Variants in AUTS2 observed in about 807,000 individuals in gnomAD.
AUTS2 encodes autism susceptibility gene 2 protein.
In AUTS2, 17 loss-of-function variants were observed where a neutral mutation model predicts 112.4. The observed-to-expected ratio is 0.15, with a 90% CI of 0.10 to 0.23. The LOEUF (loss-of-function observed/expected upper bound fraction) is 0.23. Ranked by LOEUF, AUTS2 falls within the 10% of genes least tolerant of loss-of-function variation. The pLI is 1.00. For synonymous variants in AUTS2, 751 were observed against 702.7 expected (o/e 1.07, Z -1.09); for missense variants, 1,510 against 1,701.6 (o/e 0.89, Z 1.98).
At chr7:70,295,709 G>A (rs540276326) in intron 4 of AUTS2, among the ~76,000 whole-genome samples, 27 of 152,100 alleles carry the variant, frequency 1.8e-4, no homozygotes, top group African/African-American at 6.3e-4. Context: ...TCTCTTCTTC[G>A]TGAAACCTGA....
At chr7:69,648,001 A>G (rs1795109874) in intron 1 of AUTS2, among the ~76,000 whole-genome samples, 1 of 152,108 alleles carries the variant, frequency 6.6e-6, no homozygotes. Flanking sequence ...CTAATCCAGT[A>G]TGCCCTCGTT....
intron 5 of AUTS2, among the ~76,000 whole-genome samples, chr7:70,461,441 A>T (rs560466134): frequency 6.6e-6 from 1 of 152,230 alleles, no homozygotes; most frequent in Admixed American, 6.5e-5. Context: ...CCAAAGGCTG[A>T]TGATGGGCTC....
At chr7:70,425,081 T>G (rs1163542467) in intron 4 of AUTS2, among the ~76,000 whole-genome samples, 1 of 152,174 alleles carries the variant, frequency 6.6e-6, no homozygotes. Flanking sequence ...AGATGGACAT[T>G]GACCCTTTGG....
At chr7:70,751,714 A>G (rs1461824243) in intron 6 of AUTS2, among the ~76,000 whole-genome samples, 1 of 152,114 alleles carries the variant, frequency 6.6e-6, no homozygotes, top group East Asian at 1.9e-4. Flanking sequence ...ACCGTGTTTA[A>G]GTATTGAGCA....
intron 11 of AUTS2, among the ~76,000 whole-genome samples, chr7:70,772,542 C>A (rs1204316995): frequency 1.3e-5 from 2 of 152,302 alleles, no homozygotes; most frequent in Admixed American, 6.5e-5. Flanking sequence ...CTTTTCCCCA[C>A]CATCTCATGG....
At chr7:70,307,991 C>T (rs1207415775) in intron 4 of AUTS2, among the ~76,000 whole-genome samples, 1 of 152,190 alleles carries the variant, frequency 6.6e-6, no homozygotes, top group Non-Finnish European at 1.5e-5. Context: ...GTCTTCTCTG[C>T]CTGCATGTTG....
At chr7:70,575,550 G>T (rs184765183) in intron 5 of AUTS2, among the ~76,000 whole-genome samples, 56 of 152,284 alleles carry the variant, frequency 3.7e-4, no homozygotes, top group Non-Finnish European at 3.2e-4. Context: ...TTGTCTGTCT[G>T]ATCAGGGCCC....
chr7:70,585,699 A>G, intron 5 of AUTS2, among the ~76,000 whole-genome samples: 1 of 152,156 alleles, frequency 6.6e-6, no homozygotes, highest in Non-Finnish European at 1.5e-5. Flanking sequence ...ATTCTACGGG[A>G]TGATCACCCT....
intron 2 of AUTS2, among the ~76,000 whole-genome samples, chr7:70,056,486 G>A (rs1038639632): frequency 6.6e-6 from 1 of 152,138 alleles, no homozygotes; most frequent in Non-Finnish European, 1.5e-5. Context: ...GGGATGTAAG[G>A]ATTTCTTATC....
At chr7:70,707,796 T>G (rs1809819293) in intron 6 of AUTS2, among the ~76,000 whole-genome samples, 1 of 152,166 alleles carries the variant, frequency 6.6e-6, no homozygotes, top group Non-Finnish European at 1.5e-5. Flanking sequence ...TTCTTGTGCC[T>G]TTGCGTGAAC....
At chr7:70,328,391 A>T (rs1040062265) in intron 4 of AUTS2, among the ~76,000 whole-genome samples, 2 of 149,732 alleles carry the variant, frequency 1.3e-5, no homozygotes, top group Non-Finnish European at 3.0e-5. Context: ...CTGGTTTATT[A>T]TTTTTTTTTT....
intron 2 of AUTS2, among the ~76,000 whole-genome samples, chr7:69,976,056 C>T (rs980245947): frequency 6.6e-6 from 1 of 152,182 alleles, no homozygotes; most frequent in African/African-American, 2.4e-5. Flanking sequence ...ATTAAGTATA[C>T]AGTTCAATAC....
intron 4 of AUTS2, among the ~76,000 whole-genome samples, chr7:70,339,928 G>A (rs1172446553): frequency 2.6e-5 from 4 of 152,128 alleles, no homozygotes. Context: ...ACTGCACTAA[G>A]GAGATTTGAG....
At chr7:70,327,217 C>T (rs1353283951) in intron 4 of AUTS2, among the ~76,000 whole-genome samples, 3 of 152,120 alleles carry the variant, frequency 2.0e-5, no homozygotes, top group Non-Finnish European at 4.4e-5. Flanking sequence ...CGCGCCCGGC[C>T]GCTCAGTTCT....
chr7:70,756,875 C>T (rs747115435), intron 6 of AUTS2, among the ~76,000 whole-genome samples: 13 of 152,186 alleles, frequency 8.5e-5, no homozygotes, highest in Non-Finnish European at 1.8e-4. Context: ...TATACAAAAA[C>T]AGAGGTGGTG....
intron 5 of AUTS2, among the ~76,000 whole-genome samples, chr7:70,464,578 A>T (rs994824948): frequency 6.6e-6 from 1 of 152,198 alleles, no homozygotes; most frequent in African/African-American, 2.4e-5. Flanking sequence ...AGTCTGCTAG[A>T]GGGTTGCATT....
At chr7:69,632,449 G>A (rs889181882) in intron 1 of AUTS2, among the ~76,000 whole-genome samples, 7 of 152,074 alleles carry the variant, frequency 4.6e-5, no homozygotes, top group Admixed American at 1.3e-4. Flanking sequence ...AGGTAGGAAC[G>A]TAAAAGTGGA....
At position 69,611,727 on chromosome 7, in the gene AUTS2, G is replaced by C. The variant is rs1458571695; in HGVS notation, c.309+11765G>C. Among the ~76,000 whole-genome samples, 4 of 150,916 alleles carry C rather than the reference G, an allele frequency of 2.7e-5. 1 individual carries two copies. In the Middle Eastern group the frequency reaches 0.01, roughly 388 times the overall value. ...GGGTGGATCACGAGGTCAGGAGATC[G>C]AGACCATCCTGGCTAACAAGGTGAA... On this transcript the variant is annotated intron_variant, in intron 1 of 18. Coordinates refer to ENST00000342771, the MANE Select transcript of AUTS2 (RefSeq NM_015570.4).
intron 1 of AUTS2, among the ~76,000 whole-genome samples, chr7:69,895,545 C>G: frequency 8.0e-6 from 1 of 124,468 alleles, no homozygotes; most frequent in South Asian, 2.8e-4. Flanking sequence ...TCTCTTCTTC[C>G]CCCCCCCCGA....
Sources: allele counts gnomAD v4.1 joint callset (sites outside exome capture counted in the v4.1 genomes callset), GRCh38; gene constraint gnomAD v4.1.1; transcripts MANE v1.5; gene names NCBI Gene and HGNC (gene_info 2026-07-23, HGNC 2026-07-21).